The following FBXO11 variants were observed in gnomAD, a reference collection of about 807,000 sequenced individuals.
The protein encoded by FBXO11 is F-box protein 11, also known as F-box only protein 11.
In FBXO11, 13 loss-of-function variants were observed where a neutral mutation model predicts 117.0. The observed-to-expected ratio is 0.11, with a 90% CI of 0.07 to 0.18. The LOEUF (loss-of-function observed/expected upper bound fraction) is 0.18, where lower values mean the gene tolerates loss of function less well. FBXO11 is among the 10% of genes least tolerant of loss of function. The pLI, the probability that FBXO11 is intolerant of heterozygous loss-of-function variation, is 1.00. For missense variants in FBXO11, 767 were observed against 1,164.4 expected (o/e 0.66, Z 4.97); for synonymous variants, 490 against 380.5 (o/e 1.29, Z -3.35).
At chr2:47,828,354 T>A (rs944352762) in intron 11 of FBXO11, among the ~76,000 whole-genome samples, 4 of 152,124 alleles carry the variant, frequency 2.6e-5, no homozygotes, top group Admixed American at 2.6e-4. Flanking sequence ...CATTCTTTAT[T>A]AAATATGACA....
At chr2:47,868,231 C>G (rs960050093) in intron 1 of FBXO11, among the ~76,000 whole-genome samples, 1 of 146,300 alleles carries the variant, frequency 6.8e-6, no homozygotes, top group Non-Finnish European at 1.5e-5. Flanking sequence ...TGCAGTGAGC[C>G]GAGATCGCGC....
At chr2:47,818,123 C>G (rs1671136929) in intron 16 of FBXO11, among the ~76,000 whole-genome samples, 1 of 152,014 alleles carries the variant, frequency 6.6e-6, no homozygotes, top group Non-Finnish European at 1.5e-5. Flanking sequence ...CTCAAACAAA[C>G]AAAAAGGATC....
chr2:47,818,711 AT>A (rs1671178034), intron 16 of FBXO11, 67 bp downstream of exon 16: 1 of 1,080,182 alleles, frequency 9.3e-7, no homozygotes, highest in Non-Finnish European at 1.3e-6. Context: ...CAATAAGCAA[AT>A]TTCTTTTACA....
At chr2:47,904,984 TCTCCCG>T (rs1464881254) in intron 1 of FBXO11, 4 of 151,354 alleles carry the variant, frequency 2.6e-5, no homozygotes, top group Non-Finnish European at 5.9e-5. Flanking sequence ...CCGATTCCCC[TCTCCCG>T]CTCCTCCTCA....
chr2:47,903,258 C>A (rs1678435635), intron 1 of FBXO11, among the ~76,000 whole-genome samples: 1 of 152,156 alleles, frequency 6.6e-6, no homozygotes, highest in Non-Finnish European at 1.5e-5. Context: ...TATGTGCCCT[C>A]TTTAAGACTC....
intron 1 of FBXO11, among the ~76,000 whole-genome samples, chr2:47,890,024 G>A (rs1214919719): frequency 3.9e-5 from 6 of 152,196 alleles, no homozygotes; most frequent in Admixed American, 2.6e-4. Context: ...CTGGTTCAGA[G>A]TCCCAAATAT....
At chr2:47,884,340 G>A (rs1398595021) in intron 1 of FBXO11, among the ~76,000 whole-genome samples, 1 of 152,024 alleles carries the variant, frequency 6.6e-6, no homozygotes, top group East Asian at 1.9e-4. Context: ...CAGGTACTTC[G>A]CCACCAACTC....
At chr2:47,879,880 T>C (rs1676308542) in intron 1 of FBXO11, among the ~76,000 whole-genome samples, 1 of 152,210 alleles carries the variant, frequency 6.6e-6, no homozygotes, top group Non-Finnish European at 1.5e-5. Flanking sequence ...TGACTGGCTT[T>C]CACTTAGTGT....
intron 20 of FBXO11, 42 bp from the exon 21 acceptor site, chr2:47,809,308 T>A (rs1670452714): frequency 6.1e-6 from 8 of 1,308,060 alleles, no homozygotes; most frequent in Middle Eastern, 2.3e-4. Flanking sequence ...AGAGGAATGT[T>A]AATATTTTAA....
chr2:47,828,014 G>A (rs1045550996), intron 11 of FBXO11, among the ~76,000 whole-genome samples: 17 of 151,866 alleles, frequency 1.1e-4, no homozygotes, highest in African/African-American at 2.9e-4. Flanking sequence ...TTAAGAAGAC[G>A]GGAATCTCCC....
rs1047630196 is a variant in FBXO11, at chr2:47,906,314, C to T, written c.-594G>A. On this transcript the variant is annotated 5_prime_UTR_variant, in exon 1 of 23. Coordinates refer to ENST00000403359, the MANE Select transcript of FBXO11 (RefSeq NM_001190274.2). ...CTTCGGTCTCTTCTCTCTCCTCCCC[C>T]CCTTCTCTCCTCGGCGAAGGGGAAA... 3.3e-5 allele frequency among the ~76,000 whole-genome samples: 5 copies of T among 152,168 alleles called. No individual in the cohort carries two copies. Among genetic ancestry groups the T allele is most frequent in the Non-Finnish European group, 5.9e-5 (4 of 68,018 alleles).
rs144506848 is a variant in FBXO11 at position 47,900,617 on chromosome 2, TACACACGTATAC to T, written c.232+4860_232+4871del. On this transcript the variant is annotated intron_variant, in intron 1 of 22. Transcript: ENST00000403359. ...ATATACACACGTATACACACGTATA[TACACACGTATAC>T]ACACACGTACGTATATACACACGTA... Among the ~76,000 whole-genome samples, 1,480 of 51,410 alleles carry T rather than the reference TACACACGTATAC, an allele frequency of 0.029. 240 individuals are homozygous for T. In the East Asian group the frequency reaches 0.45, roughly 16 times the overall value. The allele number at this position is 51,410 out of a possible 152,430, so 33.7% of individuals were successfully genotyped here. A position where few individuals can be genotyped will look rare whatever the true frequency, so the allele number is the denominator to read the frequency against.
chr2:47,848,226 C>T (rs1219582877), intron 1 of FBXO11, among the ~76,000 whole-genome samples: 3 of 152,180 alleles, frequency 2.0e-5, no homozygotes, highest in East Asian at 1.9e-4. Flanking sequence ...TCCCCAACCC[C>T]GGGGCCAGTT....
chr2:47,862,878 A>C (rs529815206), intron 1 of FBXO11, among the ~76,000 whole-genome samples: 10 of 152,078 alleles, frequency 6.6e-5, no homozygotes, highest in Non-Finnish European at 1.3e-4. Flanking sequence ...AACATGGTGA[A>C]ACCCCATCTC....
intron 1 of FBXO11, among the ~76,000 whole-genome samples, chr2:47,903,084 T>C (rs1029034399): frequency 2.6e-5 from 4 of 152,050 alleles, no homozygotes; most frequent in African/African-American, 9.7e-5. Flanking sequence ...CGAAATAGAG[T>C]ATTCTTAGTT....
Position 47,809,455 on chromosome 2 carries a change from G to C in FBXO11, c.2446+145C>G, listed in dbSNP as rs960363636. On this transcript the variant is annotated intron_variant, in intron 20 of 22. Transcript: ENST00000403359. ...TTGTATAAGATACTCCAACCATTTA[G>C]AACCAAAGCTCTGTTTCTTTCAAAA... The C allele has an allele frequency of 9.9e-6, 7 of 708,962 alleles. No individual in the cohort carries two copies. The South Asian group carries it at 9.9e-5, about 10-fold the overall frequency. 43.9% of individuals were successfully genotyped at this position (708,962 alleles called of 1,614,324 possible).
At chr2:47,901,419 C>T (rs1021881338) in intron 1 of FBXO11, among the ~76,000 whole-genome samples, 2 of 151,822 alleles carry the variant, frequency 1.3e-5, no homozygotes, top group Admixed American at 6.6e-5. Flanking sequence ...CAAAAACTCC[C>T]ATGTCAAGAT....
intron 1 of FBXO11, among the ~76,000 whole-genome samples, chr2:47,871,504 G>T (rs1187869905): frequency 6.6e-6 from 1 of 152,058 alleles, no homozygotes; most frequent in African/African-American, 2.4e-5. Flanking sequence ...CAGTTTTCTG[G>T]TTTTTCTTCC....
At chr2:47,826,050 C>G (rs60154625) in intron 11 of FBXO11, among the ~76,000 whole-genome samples, 19,692 of 152,084 alleles carry the variant, frequency 0.13, 1,515 homozygotes, top group Non-Finnish European at 0.18. Flanking sequence ...GACTCAAGTA[C>G]ATCCACAAGT....
Sources: gnomAD v4.1 joint callset for allele counts (sites outside exome capture counted in the v4.1 genomes callset) on GRCh38, gnomAD v4.1.1 for gene constraint, MANE v1.5 for transcripts, NCBI Gene and HGNC (gene_info 2026-07-23, HGNC 2026-07-21) for gene names.